Variants in IMMP2L observed in about 807,000 individuals in gnomAD.
IMMP2L encodes inner mitochondrial membrane peptidase subunit 2, also known as mitochondrial inner membrane protease subunit 2.
Under a neutral mutation model 19.3 loss-of-function variants are expected in IMMP2L, and 18 were observed. The ratio of observed to expected loss-of-function variants is 0.93; its 90% CI spans 0.64 to 1.38. IMMP2L has a LOEUF of 1.38. Ranked by LOEUF, IMMP2L falls within the 40% of genes most tolerant of loss-of-function variation. The pLI, the probability that IMMP2L is intolerant of heterozygous loss-of-function variation, is 0.00. For missense variants in IMMP2L, 233 were observed against 218.2 expected (o/e 1.07, Z -0.43); for synonymous variants, 76 against 73.0 (o/e 1.04, Z -0.21).
chr7:111,339,263 C>G (rs909558835), intron 3 of IMMP2L, among the ~76,000 whole-genome samples: 5 of 144,748 alleles, frequency 3.5e-5, no homozygotes, highest in Admixed American at 2.0e-4. Context: ...CATGATTCAG[C>G]AGATCTCTCT....
intron 3 of IMMP2L, among the ~76,000 whole-genome samples, chr7:110,976,045 CCAAAA>C (rs1202831763): frequency 1.3e-5 from 2 of 151,966 alleles, no homozygotes; most frequent in Non-Finnish European, 2.9e-5. Flanking sequence ...AACCACAACA[CCAAAA>C]CAGAGTCTGA....
intron 3 of IMMP2L, among the ~76,000 whole-genome samples, chr7:111,226,375 C>T (rs1813102948): frequency 6.6e-6 from 1 of 151,892 alleles, no homozygotes; most frequent in African/African-American, 2.4e-5. Context: ...CACTATGTTG[C>T]CCACGCTGGT....
At chr7:111,127,454 C>T (rs148952618) in intron 3 of IMMP2L, among the ~76,000 whole-genome samples, 6 of 152,184 alleles carry the variant, frequency 3.9e-5, no homozygotes, top group Non-Finnish European at 5.9e-5. Context: ...TCTGAATAGA[C>T]ATCTAGTAGT....
chr7:111,462,539 T>C (rs1840226912), intron 3 of IMMP2L, among the ~76,000 whole-genome samples: 1 of 152,162 alleles, frequency 6.6e-6, no homozygotes, highest in African/African-American at 2.4e-5. Context: ...TGTGAATACA[T>C]AATAGTTGTA....
At chr7:111,321,513 CTTTT>C (rs570778544) in intron 3 of IMMP2L, among the ~76,000 whole-genome samples, 1 of 151,108 alleles carries the variant, frequency 6.6e-6, no homozygotes, top group Non-Finnish European at 1.5e-5. Context: ...CTACAACAAT[CTTTT>C]TTTTTCTCTA....
chr7:110,797,937 T>C (rs1800972965), intron 5 of IMMP2L, among the ~76,000 whole-genome samples: 1 of 151,904 alleles, frequency 6.6e-6, no homozygotes, highest in Non-Finnish European at 1.5e-5. Context: ...AAAAATTAAA[T>C]GATGTAGAAG....
intron 5 of IMMP2L, among the ~76,000 whole-genome samples, chr7:110,682,675 G>A (rs11975601): frequency 6.6e-6 from 1 of 152,046 alleles, no homozygotes; most frequent in Non-Finnish European, 1.5e-5. Context: ...ATTCAGTTTT[G>A]TATTATTGAA....
At chr7:111,110,633 A>G (rs1171846075) in intron 3 of IMMP2L, among the ~76,000 whole-genome samples, 1 of 152,220 alleles carries the variant, frequency 6.6e-6, no homozygotes, top group African/African-American at 2.4e-5. Context: ...TATCAAACAT[A>G]TAAGTATAGA....
intron 3 of IMMP2L, among the ~76,000 whole-genome samples, chr7:111,431,196 G>A (rs1022944912): frequency 2.6e-5 from 4 of 151,744 alleles, no homozygotes; most frequent in Non-Finnish European, 4.4e-5. Context: ...CAGTACCTCC[G>A]TGGCATATGC....
At chr7:111,257,910 T>C (rs1263698550) in intron 3 of IMMP2L, among the ~76,000 whole-genome samples, 1 of 152,020 alleles carries the variant, frequency 6.6e-6, no homozygotes, top group Non-Finnish European at 1.5e-5. Flanking sequence ...TAGGTATTTC[T>C]CCTAACACTA....
chr7:110,889,754 TACTTA>T (rs1810599609), intron 4 of IMMP2L, among the ~76,000 whole-genome samples: 1 of 152,202 alleles, frequency 6.6e-6, no homozygotes, highest in African/African-American at 2.4e-5. Context: ...TTTTGTATCT[TACTTA>T]ACATTTTCAA....
chr7:110,845,939 G>T (rs1293658481), intron 5 of IMMP2L, among the ~76,000 whole-genome samples: 1 of 152,082 alleles, frequency 6.6e-6, no homozygotes, highest in Non-Finnish European at 1.5e-5. Flanking sequence ...CAGGAAACAG[G>T]CCCTCAGCAG....
intron 3 of IMMP2L, among the ~76,000 whole-genome samples, chr7:111,017,321 C>G (rs1585773156): frequency 6.6e-6 from 1 of 152,044 alleles, no homozygotes; most frequent in Admixed American, 6.6e-5. Context: ...GCCTGGGCCT[C>G]CCAAAGTACT....
chr7:111,130,757 C>T (rs1471654932), intron 3 of IMMP2L, among the ~76,000 whole-genome samples: 1 of 151,994 alleles, frequency 6.6e-6, no homozygotes, highest in Non-Finnish European at 1.5e-5. Context: ...TAAACACACC[C>T]AAATGGTCTT....
chr7:111,553,923 T>C (rs1222881759), intron 1 of IMMP2L, among the ~76,000 whole-genome samples: 4 of 152,206 alleles, frequency 2.6e-5, no homozygotes, highest in African/African-American at 4.8e-5. Flanking sequence ...TTTTGAGCCA[T>C]ATAACTTTGC....
At chr7:110,829,781 T>C (rs1336438708) in intron 5 of IMMP2L, among the ~76,000 whole-genome samples, 2 of 152,142 alleles carry the variant, frequency 1.3e-5, no homozygotes, top group Non-Finnish European at 2.9e-5. Context: ...TTTTAAAATA[T>C]GTATAATTAA....
chr7:111,014,846 T>C (rs1224993732), intron 3 of IMMP2L, among the ~76,000 whole-genome samples: 2 of 152,090 alleles, frequency 1.3e-5, no homozygotes, highest in Admixed American at 1.3e-4. Context: ...CAGTGAGATA[T>C]CATCCCACAC....
intron 3 of IMMP2L, among the ~76,000 whole-genome samples, chr7:111,469,790 A>T (rs995773342): frequency 2.0e-5 from 3 of 152,136 alleles, no homozygotes; most frequent in African/African-American, 4.8e-5. Flanking sequence ...AACCTAGGCA[A>T]TACCATTCAG....
At chr7:110,820,823 C>A (rs1802957400) in intron 5 of IMMP2L, among the ~76,000 whole-genome samples, 1 of 152,052 alleles carries the variant, frequency 6.6e-6, no homozygotes, top group Admixed American at 6.6e-5. Flanking sequence ...GGCCTCAGTG[C>A]CATCTTTCTC....
Sources: allele counts gnomAD v4.1 joint callset (sites outside exome capture counted in the v4.1 genomes callset), GRCh38; gene constraint gnomAD v4.1.1; transcripts MANE v1.5; gene names NCBI Gene and HGNC (gene_info 2026-07-23, HGNC 2026-07-21).